The following CACNA2D3 variants were observed in gnomAD, a reference collection of about 807,000 sequenced individuals.
CACNA2D3 encodes calcium voltage-gated channel auxiliary subunit alpha2delta 3.
Under a neutral mutation model 160.6 loss-of-function variants are expected in CACNA2D3, and 60 were observed. The observed-to-expected ratio is 0.37, with a 90% confidence interval of 0.30 to 0.46. CACNA2D3 has a LOEUF of 0.46. Ranked by LOEUF, CACNA2D3 falls within the 20% of genes least tolerant of loss-of-function variation. CACNA2D3 has a pLI of 1.00. For missense variants in CACNA2D3, 1,205 were observed against 1,365.0 expected, an observed-to-expected ratio of 0.88 and a Z score of 1.85; for synonymous variants, 558 against 492.9, an observed-to-expected ratio of 1.13 and a Z score of -1.75.
intron 2 of CACNA2D3, among the ~76,000 whole-genome samples, chr3:54,162,751 C>G (rs939163249): frequency 6.6e-6 from 1 of 152,160 alleles, no homozygotes; most frequent in Admixed American, 6.5e-5. Flanking sequence ...GATCACTCAA[C>G]AGGTATCTAT....
intron 11 of CACNA2D3, among the ~76,000 whole-genome samples, chr3:54,658,507 C>T (rs1221600693): frequency 6.6e-6 from 1 of 152,114 alleles, no homozygotes; most frequent in African/African-American, 2.4e-5. Flanking sequence ...GTTCTTTGCC[C>T]ATTTTTAAAA....
chr3:54,442,064 C>T (rs1490560399), intron 4 of CACNA2D3, among the ~76,000 whole-genome samples: 1 of 152,190 alleles, frequency 6.6e-6, no homozygotes, highest in Non-Finnish European at 1.5e-5. Context: ...CTGCCTCTGC[C>T]TCCTAAGTAG....
chr3:54,515,311 C>T (rs1240161957), intron 5 of CACNA2D3, among the ~76,000 whole-genome samples: 2 of 151,848 alleles, frequency 1.3e-5, no homozygotes, highest in African/African-American at 4.8e-5. Context: ...CACTTTCTAC[C>T]CTTCTGTTCA....
chr3:54,314,624 A>T (rs1227369606), intron 2 of CACNA2D3, among the ~76,000 whole-genome samples: 2 of 152,050 alleles, frequency 1.3e-5, no homozygotes, highest in African/African-American at 2.4e-5. Context: ...GTGGTTTCGC[A>T]TTGTGGTTTT....
intron 31 of CACNA2D3, among the ~76,000 whole-genome samples, chr3:54,999,080 G>T (rs1379271016): frequency 3.3e-5 from 5 of 152,160 alleles, no homozygotes; most frequent in African/African-American, 1.2e-4. Flanking sequence ...CAGTTGGAGG[G>T]CTCAAAGGCA....
chr3:54,571,568 G>A (rs6776566), intron 8 of CACNA2D3, among the ~76,000 whole-genome samples: 53,696 of 151,226 alleles, frequency 0.36, 10,567 homozygotes, highest in Middle Eastern at 0.48. Flanking sequence ...CCAAAGGCTC[G>A]TCAGAGTGAG....
chr3:54,367,575 A>G (rs1407618294), intron 3 of CACNA2D3: 4 of 380,872 alleles, frequency 1.1e-5, no homozygotes, highest in East Asian at 1.0e-4. Context: ...TAAAAACACC[A>G]TGGGGGAGTT....
rs527985718 is a variant in CACNA2D3, at chr3:54,467,282, C to G, written c.382-36210C>G. Among the ~76,000 whole-genome samples the G allele has an allele frequency of 2.6e-5, 4 of 152,298 alleles. No homozygotes were observed. The East Asian group carries it at 7.7e-4, about 29-fold the overall frequency. On this transcript the variant is annotated intron_variant, in intron 4 of 37. Coordinates refer to ENST00000474759, the MANE Select transcript of CACNA2D3 (RefSeq NM_018398.3). ...TGCCCTTGACAGCCCACATGGGCTCCCTTCTGTGCTGTGAACTGTAAAGTG... is the reference window on the plus strand; with the variant it reads ...TGCCCTTGACAGCCCACATGGGCTCGCTTCTGTGCTGTGAACTGTAAAGTG...
At chr3:54,633,931 C>T (rs933504956) in intron 10 of CACNA2D3, among the ~76,000 whole-genome samples, 1 of 152,092 alleles carries the variant, frequency 6.6e-6, no homozygotes, top group African/African-American at 2.4e-5. Flanking sequence ...AGTGCTTTCC[C>T]CTATGCCATG....
intron 27 of CACNA2D3, among the ~76,000 whole-genome samples, chr3:54,917,371 C>G (rs1700686489): frequency 5.3e-5 from 8 of 152,190 alleles, no homozygotes; most frequent in Admixed American, 5.2e-4. Flanking sequence ...AGGATAGCTG[C>G]CGCCACCTAT....
Position 54,840,140 on chromosome 3 carries a change from A to G in CACNA2D3, c.1551+1492A>G, listed in dbSNP as rs535658078. Among the ~76,000 whole-genome samples, 46 of 152,240 alleles carry G rather than the reference A, an allele frequency of 3.0e-4. No homozygotes were observed. The East Asian group carries it at 8.7e-3, about 29-fold the overall frequency. On this transcript the variant is annotated intron_variant, in intron 16 of 37. Transcript: ENST00000474759. ...CCTCTTATTTCACATGAGGAGATTT[A>G]GAAACCTAAGCACCGAGCCACTACT...
intron 27 of CACNA2D3, among the ~76,000 whole-genome samples, chr3:54,942,090 G>C (rs1701484260): frequency 6.6e-6 from 1 of 152,242 alleles, no homozygotes; most frequent in Admixed American, 6.5e-5. Context: ...GGTTTACCAA[G>C]GAAGTGTTGG....
chr3:54,603,226 G>C (rs1054424632), intron 9 of CACNA2D3, among the ~76,000 whole-genome samples: 5 of 152,212 alleles, frequency 3.3e-5, no homozygotes, highest in Non-Finnish European at 7.3e-5. Flanking sequence ...CCAGTGTGAG[G>C]CTCCACAGAA....
intron 2 of CACNA2D3, among the ~76,000 whole-genome samples, chr3:54,281,569 C>T (rs916606846): frequency 3.9e-5 from 6 of 152,094 alleles, no homozygotes; most frequent in African/African-American, 7.2e-5. Flanking sequence ...GAGAGCTGTG[C>T]GAACAGATGT....
chr3:54,956,997 A>G (rs537109529), intron 27 of CACNA2D3, among the ~76,000 whole-genome samples: 9 of 152,274 alleles, frequency 5.9e-5, no homozygotes, highest in Non-Finnish European at 8.8e-5. Flanking sequence ...CTCTTCTCCA[A>G]TATCAAGTTT....
chr3:54,672,666 C>A (rs1382877222), intron 11 of CACNA2D3, among the ~76,000 whole-genome samples: 2 of 152,192 alleles, frequency 1.3e-5, no homozygotes, highest in Non-Finnish European at 2.9e-5. Context: ...CTGGGAGCAA[C>A]TTGTTTGGCT....
At chr3:54,381,893 G>A (rs1017096055) in intron 3 of CACNA2D3, among the ~76,000 whole-genome samples, 2 of 152,158 alleles carry the variant, frequency 1.3e-5, no homozygotes, top group African/African-American at 4.8e-5. Context: ...AGTGAAATGT[G>A]CATCAACTCA....
At chr3:54,139,290 G>A (rs947741811) in intron 2 of CACNA2D3, among the ~76,000 whole-genome samples, 54 of 152,366 alleles carry the variant, frequency 3.5e-4, no homozygotes, top group African/African-American at 1.2e-3. Context: ...TGCATCAGGT[G>A]TCTCTGTGAG....
intron 13 of CACNA2D3, among the ~76,000 whole-genome samples, chr3:54,781,461 A>G (rs1321484603): frequency 3.9e-5 from 6 of 152,080 alleles, no homozygotes; most frequent in Non-Finnish European, 8.8e-5. Flanking sequence ...AGGAGAGTCT[A>G]CTCTTTGGCC....
Sources: allele counts gnomAD v4.1 joint callset (sites outside exome capture counted in the v4.1 genomes callset), GRCh38; gene constraint gnomAD v4.1.1; transcripts MANE v1.5; gene names NCBI Gene and HGNC (gene_info 2026-07-23, HGNC 2026-07-21).